Variants in BARX2 observed in about 807,000 individuals in gnomAD.
BARX2 encodes homeobox protein BarH-like 2.
Under a neutral mutation model 25.5 loss-of-function variants are expected in BARX2, and 11 were observed. The observed-to-expected ratio is 0.43, with a 90% CI of 0.27 to 0.71. The LOEUF (loss-of-function observed/expected upper bound fraction) is 0.71, where lower values mean the gene tolerates loss of function less well. Among genes scored for constraint, BARX2 ranks in the 30% least tolerant of loss-of-function variants. BARX2 has a pLI of 0.19. For missense variants in BARX2, 360 were observed against 359.9 expected (o/e 1.00, Z 0.00); for synonymous variants, 137 against 149.5 (o/e 0.92, Z 0.61).
At chr11:129,409,925 A>T (rs1861869500) in intron 1 of BARX2, among the ~76,000 whole-genome samples, 1 of 152,094 alleles carries the variant, frequency 6.6e-6, no homozygotes, top group Admixed American at 6.5e-5. Context: ...AGGTTGATCC[A>T]CTAATTTTCT....
At chr11:129,418,864 T>G (rs1032418278) in intron 1 of BARX2, among the ~76,000 whole-genome samples, 1 of 152,252 alleles carries the variant, frequency 6.6e-6, no homozygotes, top group Non-Finnish European at 1.5e-5. Flanking sequence ...TCTGGTAAGT[T>G]GTACAGAAAG....
intron 1 of BARX2, among the ~76,000 whole-genome samples, chr11:129,398,158 C>A (rs1861741039): frequency 6.6e-6 from 1 of 152,142 alleles, no homozygotes; most frequent in Non-Finnish European, 1.5e-5. Flanking sequence ...GTGATGGTGA[C>A]TTGGGTGTTT....
chr11:129,445,259 C>G (rs534397615), intron 3 of BARX2, among the ~76,000 whole-genome samples: 1 of 152,218 alleles, frequency 6.6e-6, no homozygotes, highest in Non-Finnish European at 1.5e-5. Flanking sequence ...CCACCACCCA[C>G]CTTCTTCCTC....
In BARX2 at chr11:129,436,682, C is replaced by G; in HGVS notation, c.188-69C>G. On this transcript the variant is annotated intron_variant, in intron 1 of 3. Transcript: ENST00000281437. The surrounding 1 kb of genome is among the most constrained non-coding windows in gnomAD (Gnocchi z 4.5). ...GTCAGACAGACCTCAGCCAGCGGCCCTCCGCAGGTCCTGGCCTGCTTCCCC... is the reference window on the plus strand; with the variant it reads ...GTCAGACAGACCTCAGCCAGCGGCCGTCCGCAGGTCCTGGCCTGCTTCCCC... 1.3e-6 allele frequency: 2 copies of G among 1,489,056 alleles called. No individual in the cohort carries two copies. Among genetic ancestry groups the G allele is most frequent in the Non-Finnish European group, 1.8e-6 (2 of 1,111,220 alleles). 92.2% of individuals were successfully genotyped at this position (1,489,056 alleles called of 1,614,324 possible).
intron 1 of BARX2, among the ~76,000 whole-genome samples, chr11:129,432,277 G>C (rs2135409397): frequency 6.6e-6 from 1 of 152,198 alleles, no homozygotes; most frequent in African/African-American, 2.4e-5. Context: ...GGCCAGGCTT[G>C]TCTCGAACTC....
In BARX2 at chr11:129,436,796, G is replaced by A. The variant is rs770581739; in HGVS notation, c.233G>A (p.Arg78His). 6.8e-6 allele frequency: 11 copies of A among 1,610,488 alleles called. No homozygotes were observed. Among genetic ancestry groups the A allele is most frequent in the Admixed American group, 6.7e-5 (4 of 59,588 alleles). Residue 78 changes from arginine (R) to histidine (H), a missense_variant, in exon 2 of 4, where the codon CGC becomes CAC. Transcript: ENST00000281437. This position sits in a 1 kb window ranked among gnomAD's most constrained non-coding sequence, Gnocchi z 4.5. Reference protein sequence around the residue: ...RAYPLLSVITRQPTVISHLVP... With the variant: ...RAYPLLSVITHQPTVISHLVP... Reference sequence around the variant, plus strand: ...TATCCGCTCCTCTCGGTGATCACCCGCCAGCCCACTGTCATCTCCCACCTG... The same window carrying A: ...TATCCGCTCCTCTCGGTGATCACCCACCAGCCCACTGTCATCTCCCACCTG...
At chr11:129,381,939 A>G (rs1336560947) in intron 1 of BARX2, among the ~76,000 whole-genome samples, 1 of 152,192 alleles carries the variant, frequency 6.6e-6, no homozygotes. Context: ...CTGTCGCTCC[A>G]TGGGTACTAA....
At chr11:129,389,009 G>T (rs1861641843) in intron 1 of BARX2, among the ~76,000 whole-genome samples, 1 of 152,142 alleles carries the variant, frequency 6.6e-6, no homozygotes, top group Non-Finnish European at 1.5e-5. Flanking sequence ...GGTTAAATGA[G>T]ATAATGTATA....
At chr11:129,444,777 G>A (rs1261951724) in intron 3 of BARX2, among the ~76,000 whole-genome samples, 1 of 152,126 alleles carries the variant, frequency 6.6e-6, no homozygotes, top group Non-Finnish European at 1.5e-5. Flanking sequence ...CGAGGTGGGT[G>A]GATCACATGA....
At chr11:129,448,124 T>G (rs1862353065) in intron 3 of BARX2, among the ~76,000 whole-genome samples, 1 of 152,206 alleles carries the variant, frequency 6.6e-6, no homozygotes, top group African/African-American at 2.4e-5. Flanking sequence ...CTTGGTTTTC[T>G]TACTTCATAC....
chr11:129,426,933 A>C (rs1862070007), intron 1 of BARX2, among the ~76,000 whole-genome samples: 2 of 152,160 alleles, frequency 1.3e-5, no homozygotes, highest in Admixed American at 6.5e-5. Flanking sequence ...CAGTCTCGGT[A>C]TATGGCTGCA....
chr11:129,395,224 C>G (rs990036077), intron 1 of BARX2, among the ~76,000 whole-genome samples: 13 of 152,020 alleles, frequency 8.6e-5, no homozygotes, highest in Non-Finnish European at 1.2e-4. Flanking sequence ...TTTTCTCTAC[C>G]CTGTTGACTG....
chr11:129,439,664 G>C (rs1862233657), intron 2 of BARX2, among the ~76,000 whole-genome samples: 1 of 152,198 alleles, frequency 6.6e-6, no homozygotes, highest in South Asian at 2.1e-4. Flanking sequence ...GTTGAGTTCT[G>C]TTCTAGACCT....
intron 1 of BARX2, among the ~76,000 whole-genome samples, chr11:129,434,176 A>G (rs1176212968): frequency 3.3e-5 from 5 of 152,014 alleles, no homozygotes; most frequent in African/African-American, 9.7e-5. Flanking sequence ...TATTTTTCTC[A>G]ATAATATATT....
intron 1 of BARX2, among the ~76,000 whole-genome samples, chr11:129,423,459 G>C (rs955369276): frequency 6.6e-6 from 1 of 152,100 alleles, no homozygotes; most frequent in African/African-American, 2.4e-5. Context: ...ATGTAATCAG[G>C]AACTTGCCTG....
intron 1 of BARX2, among the ~76,000 whole-genome samples, chr11:129,428,301 T>G (rs1403645477): frequency 6.6e-6 from 1 of 152,202 alleles, no homozygotes; most frequent in Non-Finnish European, 1.5e-5. Flanking sequence ...CCAGTCAACG[T>G]TTTCACATTG....
intron 1 of BARX2, among the ~76,000 whole-genome samples, chr11:129,400,214 T>C (rs1007424296): frequency 6.6e-6 from 1 of 152,192 alleles, no homozygotes; most frequent in East Asian, 1.9e-4. Context: ...GCTATAATGA[T>C]GCATTATCCT....
At chr11:129,397,693 C>G (rs1317584413) in intron 1 of BARX2, among the ~76,000 whole-genome samples, 1 of 152,178 alleles carries the variant, frequency 6.6e-6, no homozygotes, top group African/African-American at 2.4e-5. Context: ...GTGGGAGGCA[C>G]AGATGAGTAA....
rs992703850 is a variant in BARX2, at chr11:129,390,649, A to C, written c.187+14427A>C. Among the ~76,000 whole-genome samples, 1 of 152,122 alleles carries C rather than the reference A, an allele frequency of 6.6e-6. No individual in the cohort carries two copies. Among genetic ancestry groups the C allele is most frequent in the African/African-American group, 2.4e-5 (1 of 41,422 alleles). ...ATTTGTTGTCTCCAAGAGAAAAACAAATTGAAAAATGAGAATGGAAGATTT... is the reference window on the plus strand; with the variant it reads ...ATTTGTTGTCTCCAAGAGAAAAACACATTGAAAAATGAGAATGGAAGATTT... On this transcript the variant is annotated intron_variant, in intron 1 of 3. Transcript: ENST00000281437. The surrounding 1 kb of genome is among the most constrained non-coding windows in gnomAD (Gnocchi z 4.3).
Sources: allele counts gnomAD v4.1 joint callset (sites outside exome capture counted in the v4.1 genomes callset), GRCh38; gene constraint gnomAD v4.1.1; non-coding constraint Gnocchi (gnomAD v3.1); transcripts MANE v1.5; gene names NCBI Gene and HGNC (gene_info 2026-07-23, HGNC 2026-07-21).